Variants in SCML2 observed in about 807,000 individuals in gnomAD.
SCML2 encodes Scm polycomb group protein like 2, also known as sex comb on midleg-like protein 2.
SCML2 carries 6 observed loss-of-function variants against 48.4 expected under a neutral mutation model. That is an observed-to-expected ratio of 0.12 (90% CI 0.07 to 0.24). The LOEUF (loss-of-function observed/expected upper bound fraction) is 0.24. Among genes scored for constraint, SCML2 ranks in the 10% least tolerant of loss-of-function variants. The probability of loss-of-function intolerance (pLI) is 1.00; values close to 1 mark genes in which losing one functional copy is unlikely to be tolerated. For synonymous variants in SCML2, 181 were observed against 189.5 expected, an observed-to-expected ratio of 0.95 and a Z score of 0.37; for missense variants, 377 against 528.2, an observed-to-expected ratio of 0.71 and a Z score of 2.81.
chrX:18,310,260 C>CTTTTTT (rs773391164), intron 6 of SCML2, among the ~76,000 whole-genome samples: 74 of 62,362 alleles, frequency 1.2e-3, no homozygotes, highest in African/African-American at 1.6e-3. Flanking sequence ...AACCACCTCC[C>CTTTTTT]TTTTTTTTTT....
intron 7 of SCML2, among the ~76,000 whole-genome samples, chrX:18,300,947 T>TA (rs1444136536): frequency 9.1e-6 from 1 of 110,435 alleles, no homozygotes; most frequent in African/African-American, 3.3e-5. Context: ...ACAAAATAGA[T>TA]AAAGCAGAAA....
chrX:18,336,188 C>T (rs7473882), intron 1 of SCML2, among the ~76,000 whole-genome samples: 31,841 of 110,092 alleles, frequency 0.29, 3,987 homozygotes, highest in African/African-American at 0.49. Context: ...CTCATGCCTG[C>T]AATCCCAGCA....
At chrX:18,347,498 T>TC (rs1361970141) in intron 1 of SCML2, among the ~76,000 whole-genome samples, 1 of 105,555 alleles carries the variant, frequency 9.5e-6, no homozygotes, top group Non-Finnish European at 1.9e-5. Flanking sequence ...ATGCCTGTAA[T>TC]CCCCGCACTC....
intron 11 of SCML2, among the ~76,000 whole-genome samples, chrX:18,254,912 A>T (rs986030330): frequency 9.0e-6 from 1 of 111,282 alleles, no homozygotes; most frequent in African/African-American, 3.3e-5. Flanking sequence ...TGACAGACTG[A>T]GACTCTGTGT....
chrX:18,344,308 C>T (rs1410603696), intron 1 of SCML2, among the ~76,000 whole-genome samples: 1 of 112,449 alleles, frequency 8.9e-6, no homozygotes, highest in African/African-American at 3.2e-5. Context: ...TTTGACTCCC[C>T]TCCTCTTCTG....
At chrX:18,282,403 C>G (rs1027329979) in intron 7 of SCML2, among the ~76,000 whole-genome samples, 13 of 110,988 alleles carry the variant, frequency 1.2e-4, no homozygotes, top group Admixed American at 1.1e-3. Flanking sequence ...TTTGGGAGGC[C>G]GAGGTGAGTA....
At chrX:18,295,943 C>T (rs1928383153) in intron 7 of SCML2, among the ~76,000 whole-genome samples, 1 of 111,825 alleles carries the variant, frequency 8.9e-6, no homozygotes, top group African/African-American at 3.3e-5. Flanking sequence ...CCAACCAACA[C>T]ATAAATACAT....
chrX:18,300,095 G>C (rs1928534751), intron 7 of SCML2, among the ~76,000 whole-genome samples: 1 of 111,029 alleles, frequency 9.0e-6, no homozygotes, highest in South Asian at 3.8e-4. Flanking sequence ...TAGCCATTAT[G>C]AAAAACAGTA....
chrX:18,244,744 T>TC (rs369211676), intron 13 of SCML2, among the ~76,000 whole-genome samples: 2,826 of 107,152 alleles, frequency 0.026, 46 homozygotes, highest in Non-Finnish European at 0.036. Flanking sequence ...AGTGATCTGA[T>TC]CCCCCCCCCT....
intron 11 of SCML2, among the ~76,000 whole-genome samples, chrX:18,254,980 C>T (rs1198677529): frequency 3.6e-5 from 4 of 110,972 alleles, no homozygotes; most frequent in African/African-American, 1.3e-4. Context: ...GTATTTTTCC[C>T]CAAATTACTC....
intron 7 of SCML2, among the ~76,000 whole-genome samples, chrX:18,270,164 A>G (rs1244535572): frequency 9.3e-6 from 1 of 107,955 alleles, no homozygotes; most frequent in Non-Finnish European, 1.9e-5. Context: ...AGTAGCTAGG[A>G]CTACAGGCGC....
At chrX:18,289,911 T>C (rs1357831081) in intron 7 of SCML2, among the ~76,000 whole-genome samples, 1 of 110,738 alleles carries the variant, frequency 9.0e-6, no homozygotes, top group Non-Finnish European at 1.9e-5. Flanking sequence ...TCTTGTTTGC[T>C]GAACAAAAAA....
intron 5 of SCML2, 35 bp from the exon 6 acceptor site, chrX:18,320,455 G>C (rs757555762): frequency 2.2e-6 from 2 of 894,113 alleles, no homozygotes; most frequent in Non-Finnish European, 3.1e-6. Context: ...TCATGAAAAA[G>C]CCTCCTTGTG....
intron 6 of SCML2, among the ~76,000 whole-genome samples, chrX:18,309,984 T>C (rs1309956390): frequency 2.7e-5 from 3 of 111,322 alleles, no homozygotes; most frequent in East Asian, 5.7e-4. Flanking sequence ...ATAAAGAAAA[T>C]GTGATATATA....
intron 7 of SCML2, among the ~76,000 whole-genome samples, chrX:18,273,423 A>AC (rs1927524565): frequency 9.0e-6 from 1 of 111,462 alleles, no homozygotes; most frequent in Non-Finnish European, 1.9e-5. Flanking sequence ...CCCAAATTCA[A>AC]CATTTCCAAA....
chrX:18,309,211 A>C (rs1403218510), intron 6 of SCML2, among the ~76,000 whole-genome samples: 2 of 109,175 alleles, frequency 1.8e-5, no homozygotes, highest in Non-Finnish European at 3.8e-5. Context: ...AAAAAAAAAA[A>C]AAAAAAACCC....
chrX:18,241,456 C>T, intron 14 of SCML2, 77 bp from the exon 15 acceptor site: 1 of 746,991 alleles, frequency 1.3e-6, no homozygotes, highest in South Asian at 4.8e-5. Flanking sequence ...ATGTAAAATA[C>T]AGCAGCTGTA....
chrX:18,247,639 GTAGCCTAACTGCCAAAC>G lies in SCML2; in HGVS notation c.1570+113_1570+129del, dbSNP rs1926497661. On this transcript the variant is annotated intron_variant, in intron 12 of 14. Transcript: ENST00000251900. ...AGGGTTCAACAAAGCTGTCCAAGTA[GTAGCCTAACTGCCAAAC>G]TTGTTTGGGCAAATTTACCTCCCTA... is the stretch of plus-strand genomic sequence containing the variant. 3 of 428,969 alleles carry G rather than the reference GTAGCCTAACTGCCAAAC, an allele frequency of 7.0e-6. No homozygotes were observed. In the African/African-American group the frequency reaches 7.4e-5, roughly 11 times the overall value. The allele number at this position is 428,969 out of a possible 1,213,427, so 35.4% of individuals were successfully genotyped here.
intron 7 of SCML2, among the ~76,000 whole-genome samples, chrX:18,283,163 G>A (rs188460517): frequency 4.2e-4 from 47 of 112,186 alleles, no homozygotes; most frequent in African/African-American, 1.4e-3. Flanking sequence ...ATCAATAAAT[G>A]TGATTCAACA....
Sources: allele counts gnomAD v4.1 joint callset (sites outside exome capture counted in the v4.1 genomes callset), GRCh38; gene constraint gnomAD v4.1.1; transcripts MANE v1.5; gene names NCBI Gene and HGNC (gene_info 2026-07-23, HGNC 2026-07-21).